ARHGAP6: variants seen among roughly 807,000 people sequenced by gnomAD.
ARHGAP6 encodes rho GTPase-activating protein 6.
In ARHGAP6, 16 loss-of-function variants were observed where a neutral mutation model predicts 55.7. The ratio of observed to expected loss-of-function variants is 0.29; its 90% CI spans 0.19 to 0.44. The LOEUF is 0.44. ARHGAP6 is among the 20% of genes least tolerant of loss of function. The probability of loss-of-function intolerance (pLI) is 1.00; values close to 1 mark genes in which losing one functional copy is unlikely to be tolerated. For synonymous variants in ARHGAP6, 382 were observed against 360.9 expected (o/e 1.06, Z -0.66); for missense variants, 698 against 808.9 (o/e 0.86, Z 1.66).
At chrX:11,341,722 T>G (rs768057485) in intron 1 of ARHGAP6, among the ~76,000 whole-genome samples, 1 of 112,124 alleles carries the variant, frequency 8.9e-6, no homozygotes, top group Non-Finnish European at 1.9e-5. Context: ...TGTTTCTTTC[T>G]CAAATTCTGG....
At chrX:11,433,784 T>C (rs1477931160) in intron 1 of ARHGAP6, among the ~76,000 whole-genome samples, 2 of 112,689 alleles carry the variant, frequency 1.8e-5, no homozygotes, top group African/African-American at 6.5e-5. Flanking sequence ...TGCAAACATC[T>C]GGATCCTCAG....
chrX:11,542,002 G>A (rs974062433), intron 1 of ARHGAP6, among the ~76,000 whole-genome samples: 2 of 110,203 alleles, frequency 1.8e-5, no homozygotes, highest in African/African-American at 6.6e-5. Context: ...GGTTGTGTTT[G>A]TGTTTTTCCT....
intron 2 of ARHGAP6, among the ~76,000 whole-genome samples, chrX:11,251,235 C>T (rs754586592): frequency 5.4e-5 from 6 of 111,453 alleles, no homozygotes; most frequent in South Asian, 3.8e-4. Context: ...TTTTGTTGGA[C>T]GCTGAGACGC....
At chrX:11,378,770 A>G (rs2049229767) in intron 1 of ARHGAP6, among the ~76,000 whole-genome samples, 1 of 112,366 alleles carries the variant, frequency 8.9e-6, no homozygotes, top group Non-Finnish European at 1.9e-5. Flanking sequence ...GCACTTTCAC[A>G]CAATACTATG....
intron 1 of ARHGAP6, among the ~76,000 whole-genome samples, chrX:11,496,133 T>C (rs2050619783): frequency 8.9e-6 from 1 of 112,653 alleles, no homozygotes; most frequent in South Asian, 3.6e-4. Context: ...CTAAACTGTG[T>C]CTGAACTCCT....
chrX:11,224,897 C>A (rs2047025863), intron 2 of ARHGAP6, among the ~76,000 whole-genome samples: 1 of 110,669 alleles, frequency 9.0e-6, no homozygotes, highest in East Asian at 2.8e-4. Context: ...TGGGACTCTG[C>A]AGCCACATTG....
chrX:11,565,731 T>G (rs1267004601), intron 1 of ARHGAP6, among the ~76,000 whole-genome samples: 4 of 112,642 alleles, frequency 3.6e-5, no homozygotes, highest in African/African-American at 1.3e-4. Context: ...TAAATCTTTC[T>G]TCTTGAAATA....
rs2052738290 is a variant in ARHGAP6 at position 11,664,723 on chromosome X, G to C, written c.106C>G (p.Arg36Gly). 6 of 1,192,432 alleles carry C rather than the reference G, an allele frequency of 5.0e-6. No individual in the cohort carries two copies. The highest frequency in any genetic ancestry group is 2.4e-5 in the Admixed American group (1 of 41,903). Residue 36 changes from arginine (R) to glycine (G), a missense_variant, in exon 1 of 13, where the codon CGC (arginine) becomes GGC (glycine). Transcript: ENST00000337414. ...CCGATCAGGGCCGGGTCCAGGCTGC[G>C]GGTCTGGCGCAGCTTCCTCTTGGAG... Reference protein sequence around the residue: ...GFSKRKLRQTRSLDPALIGGC... With the variant: ...GFSKRKLRQTGSLDPALIGGC...
intron 9 of ARHGAP6, among the ~76,000 whole-genome samples, chrX:11,163,781 T>C (rs2045980873): frequency 8.9e-6 from 1 of 111,928 alleles, no homozygotes; most frequent in Non-Finnish European, 1.9e-5. Flanking sequence ...TTGATACATG[T>C]CAGGCAGCAT....
At chrX:11,212,753 GATAAA>G (rs1006936498) in intron 2 of ARHGAP6, among the ~76,000 whole-genome samples, 4 of 111,922 alleles carry the variant, frequency 3.6e-5, no homozygotes, top group Non-Finnish European at 5.6e-5. Context: ...TATGCACAAA[GATAAA>G]ATTAAATTCA....
At chrX:11,472,135 G>T (rs749508224) in intron 1 of ARHGAP6, among the ~76,000 whole-genome samples, 1 of 111,140 alleles carries the variant, frequency 9.0e-6, no homozygotes, top group African/African-American at 3.3e-5. Context: ...CTGACACTGG[G>T]GGAAGAATGA....
intron 1 of ARHGAP6, among the ~76,000 whole-genome samples, chrX:11,515,502 T>G (rs181104432): frequency 9.3e-6 from 1 of 107,027 alleles, no homozygotes; most frequent in East Asian, 3.1e-4. Context: ...CTCCCCCTTT[T>G]TTAACAACCA....
At position 11,200,634 on chromosome X, in the gene ARHGAP6, T is replaced by C. The variant is rs762317556; in HGVS notation, c.749-3638A>G. ...TCCATTTTAAGGCTTCTTTCTCTAG[T>C]TAGACTAGCTCTCTGAGGGTGAAAC... On this transcript the variant is annotated intron_variant, in intron 2 of 12. Transcript: ENST00000337414. Among the ~76,000 whole-genome samples the C allele has an allele frequency of 3.6e-5, 4 of 112,400 alleles. No individual in the cohort carries two copies. The East Asian group carries it at 1.1e-3, about 32-fold the overall frequency.
rs189241702 is a variant in ARHGAP6, at chrX:11,193,749, A to T, written c.820+3176T>A. 6.7e-3 allele frequency among the ~76,000 whole-genome samples: 750 copies of T among 112,501 alleles called. 3 individuals are homozygous for T. The highest frequency in any genetic ancestry group is 0.023 in the Middle Eastern group (5 of 219). ...AGCCTATGTAAATATGATTTAGTTTAAAAAATCTATAATGGCCCAGTATGT... is the reference window on the plus strand; with the variant it reads ...AGCCTATGTAAATATGATTTAGTTTTAAAAATCTATAATGGCCCAGTATGT... On this transcript the variant is annotated intron_variant, in intron 3 of 12. Transcript: ENST00000337414.
chrX:11,633,911 G>A (rs1038619529), intron 1 of ARHGAP6, among the ~76,000 whole-genome samples: 14 of 111,385 alleles, frequency 1.3e-4, no homozygotes, highest in Non-Finnish European at 2.3e-4. Flanking sequence ...CCTATTTTCT[G>A]TAAAACAGCA....
intron 8 of ARHGAP6, among the ~76,000 whole-genome samples, chrX:11,174,555 TTCCTTCCTTCCTTCCTTC>T (rs1471368603): frequency 4.4e-4 from 37 of 84,406 alleles, no homozygotes; most frequent in African/African-American, 1.3e-3. Context: ...CCTTCCTTCC[TTCCTTCCTTCCTTCCTTC>T]CTTTCTTTCT....
chrX:11,443,048 C>A (rs768534615), intron 1 of ARHGAP6, among the ~76,000 whole-genome samples: 1 of 111,434 alleles, frequency 9.0e-6, no homozygotes, highest in African/African-American at 3.3e-5. Context: ...CAAAGTGAAC[C>A]CCCTGTATAA....
At chrX:11,234,217 C>T (rs760191878) in intron 2 of ARHGAP6, among the ~76,000 whole-genome samples, 3 of 112,190 alleles carry the variant, frequency 2.7e-5, no homozygotes, top group South Asian at 7.4e-4. Context: ...TAGGATCCTG[C>T]GTGGGGTCAC....
At chrX:11,466,375 T>C (rs2050293214) in intron 1 of ARHGAP6, among the ~76,000 whole-genome samples, 1 of 109,479 alleles carries the variant, frequency 9.1e-6, no homozygotes, top group South Asian at 3.9e-4. Context: ...ACAACTTCGG[T>C]AAAAAATTAT....
Sources: allele counts gnomAD v4.1 joint callset (sites outside exome capture counted in the v4.1 genomes callset), GRCh38; gene constraint gnomAD v4.1.1; transcripts MANE v1.5; gene names NCBI Gene and HGNC (gene_info 2026-07-23, HGNC 2026-07-21).